The following DYNC1H1 variants were observed in gnomAD, a reference collection of about 807,000 sequenced individuals.
DYNC1H1 encodes cytoplasmic dynein 1 heavy chain 1.
DYNC1H1 carries 51 observed loss-of-function variants against 527.1 expected under a neutral mutation model. That is an observed-to-expected ratio of 0.10 (90% CI 0.08 to 0.12). The LOEUF is 0.12. Among genes scored for constraint, DYNC1H1 ranks in the 10% least tolerant of loss-of-function variants. DYNC1H1 has a pLI of 1.00. For missense variants in DYNC1H1, 2,771 were observed against 5,971.8 expected (o/e 0.46, Z 17.66); for synonymous variants, 2,189 against 2,278.8 (o/e 0.96, Z 1.12).
intron 1 of DYNC1H1, among the ~76,000 whole-genome samples, chr14:101,968,845 C>T (rs577677182): frequency 1.5e-4 from 23 of 152,076 alleles, no homozygotes; most frequent in Admixed American, 2.6e-4. Context: ...TACAGGCGTG[C>T]GCCATGACAT....
At chr14:101,999,133 T>C (rs530377925) in intron 16 of DYNC1H1, among the ~76,000 whole-genome samples, 29 of 152,194 alleles carry the variant, frequency 1.9e-4, no homozygotes, top group Non-Finnish European at 3.8e-4. Context: ...CTGCCCACCT[T>C]GGCCTCCCAA....
At chr14:102,021,656 C>CTTTTTTTTTTTTTTTTT (rs757880988) in intron 42 of DYNC1H1, among the ~76,000 whole-genome samples, 2 of 119,840 alleles carry the variant, frequency 1.7e-5, no homozygotes, top group Admixed American at 9.0e-5. Flanking sequence ...TTTTCTTTTT[C>CTTTTTTTTTTTTTTTTT]TTTTTTTTTT....
At chr14:101,998,643 C>A (rs1423551629) in intron 16 of DYNC1H1, among the ~76,000 whole-genome samples, 1 of 152,110 alleles carries the variant, frequency 6.6e-6, no homozygotes, top group Non-Finnish European at 1.5e-5. Flanking sequence ...GGTTAATTGT[C>A]CCATCCTGCC....
intron 72 of DYNC1H1, chr14:102,047,598 T>TATAC (rs2048737456): frequency 5.3e-6 from 2 of 374,874 alleles, no homozygotes; most frequent in African/African-American, 4.7e-5. Context: ...TATATATATA[T>TATAC]ACACATATAT....
intron 56 of DYNC1H1, chr14:102,035,856 G>A (rs1182215092): frequency 6.5e-6 from 1 of 153,020 alleles, no homozygotes; most frequent in Non-Finnish European, 1.5e-5. Context: ...AGAAAGGCAG[G>A]GCAGCATGGT....
chr14:102,007,176 T>C (rs1182516801), intron 28 of DYNC1H1, 68 bp downstream of exon 28: 8 of 1,519,732 alleles, frequency 5.3e-6, no homozygotes. Context: ...AATATCAAGC[T>C]CCGTACCTCT....
chr14:102,046,475 G>A (rs2048720786), intron 72 of DYNC1H1, among the ~76,000 whole-genome samples: 1 of 148,886 alleles, frequency 6.7e-6, no homozygotes, highest in African/African-American at 2.5e-5. Context: ...AGCTGGGCGG[G>A]TCTGGAGGGA....
chr14:101,986,109 A>G lies in DYNC1H1; in HGVS notation c.1884A>G (p.Pro628=), dbSNP rs545738580. The change falls in exon 8 of 78, where the codon CCA becomes CCG. Residue 628 remains proline, a synonymous_variant. Coordinates refer to ENST00000360184, the MANE Select transcript of DYNC1H1 (RefSeq NM_001376.5). This position sits in a 1 kb window ranked among gnomAD's most constrained non-coding sequence, Gnocchi z 8.7. ...SLHDKFKVQY[P]QSQACKMSHV... Reference sequence around the variant, plus strand: ...ACGACAAGTTCAAGGTCCAGTACCCACAGAGTCAGGCTTGTAAGATGAGTC... The same window carrying G: ...ACGACAAGTTCAAGGTCCAGTACCCGCAGAGTCAGGCTTGTAAGATGAGTC... 1 of 1,614,224 alleles carries G rather than the reference A, an allele frequency of 6.2e-7. No homozygotes were observed. The highest frequency in any genetic ancestry group is 1.7e-5 in the Admixed American group (1 of 60,030).
intron 72 of DYNC1H1, among the ~76,000 whole-genome samples, chr14:102,045,870 G>C (rs2048710680): frequency 6.6e-6 from 1 of 151,808 alleles, no homozygotes; most frequent in South Asian, 2.1e-4. Context: ...GAACTTCTTA[G>C]AAATGCAGGT....
rs755126314 is a variant in DYNC1H1 at position 102,033,404 on chromosome 14, G to A, written c.10333G>A (p.Ala3445Thr). The A allele has an allele frequency of 6.2e-6, 10 of 1,614,180 alleles. No homozygotes were observed. The highest frequency in any genetic ancestry group is 4.5e-5 in the East Asian group (2 of 44,882). ...QMIRDLEASI[A>T]RYKEEYAVLI... is the part of the protein sequence containing the mutation. ...GATCCGAGACCTGGAAGCCAGCATC[G>A]CCCGCTACAAGGAGGAATACGCCGT... The change falls in exon 54 of 78, where the codon GCC (alanine) becomes ACC (threonine). Residue 3445 changes from alanine to threonine, a missense_variant. By Grantham distance (58) the Ala-to-Thr change is moderately conservative. Transcript: ENST00000360184. The surrounding 1 kb of genome is among the most constrained non-coding windows in gnomAD (Gnocchi z 5.6).
intron 42 of DYNC1H1, among the ~76,000 whole-genome samples, chr14:102,022,254 T>C (rs966439198): frequency 6.6e-6 from 1 of 151,650 alleles, no homozygotes; most frequent in Non-Finnish European, 1.5e-5. Flanking sequence ...CCCAGCACTT[T>C]GGGAGGCCGA....
Position 101,979,200 on chromosome 14 carries a change from A to C in DYNC1H1, c.345-119A>C. On this transcript the variant is annotated intron_variant, in intron 2 of 77. Transcript: ENST00000360184. This position sits in a 1 kb window ranked among gnomAD's most constrained non-coding sequence, Gnocchi z 4.6. Reference sequence around the variant, plus strand: ...AGCTCTCATGTACTAAAGAAAGACAAGCAGTGCATTTCACTATTAGAAAAG... The same window carrying C: ...AGCTCTCATGTACTAAAGAAAGACACGCAGTGCATTTCACTATTAGAAAAG... 1.0e-6 allele frequency: 1 copy of C among 966,050 alleles called. No individual in the cohort carries two copies. The allele number at this position is 966,050 out of a possible 1,614,324, so 59.8% of individuals were successfully genotyped here.
At chr14:102,046,486 A>G (rs927173966) in intron 72 of DYNC1H1, among the ~76,000 whole-genome samples, 1 of 150,250 alleles carries the variant, frequency 6.7e-6, no homozygotes, top group Non-Finnish European at 1.5e-5. Flanking sequence ...TCTGGAGGGA[A>G]AGCCAGGCGA....
rs2048539850 is a variant in DYNC1H1, at chr14:102,033,893, A to G, written c.10414-83A>G. 6.7e-7 allele frequency: 1 copy of G among 1,491,764 alleles called. No individual in the cohort carries two copies. Among genetic ancestry groups the G allele is most frequent in the South Asian group, 1.1e-5 (1 of 87,070 alleles). 92.4% of individuals were successfully genotyped at this position (1,491,764 alleles called of 1,614,324 possible). ...CTAACCCACCCAAAACCCTGCACAT[A>G]ATGTGGATGAACCGATTTGCAGGAT... On this transcript the variant is annotated intron_variant, in intron 54 of 77. Coordinates refer to ENST00000360184, the MANE Select transcript of DYNC1H1 (RefSeq NM_001376.5). The surrounding 1 kb of genome is among the most constrained non-coding windows in gnomAD (Gnocchi z 5.6).
intron 12 of DYNC1H1, 28 bp from the exon 13 acceptor site, chr14:101,994,645 A>T (rs200089400): frequency 6.2e-7 from 1 of 1,613,318 alleles, no homozygotes; most frequent in East Asian, 2.2e-5. Flanking sequence ...AACTCAAACT[A>T]TTATTTAACT....
chr14:102,004,051 C>A (rs531471728), intron 23 of DYNC1H1, among the ~76,000 whole-genome samples: 3 of 151,752 alleles, frequency 2.0e-5, no homozygotes, highest in Non-Finnish European at 4.4e-5. Context: ...ACCATCCTGG[C>A]TAACATGGTG....
chr14:102,005,885 C>A lies in DYNC1H1; in HGVS notation c.5434-3C>A. 6.2e-7 allele frequency: 1 copy of A among 1,614,034 alleles called. No homozygotes were observed. The highest frequency in any genetic ancestry group is 8.5e-7 in the Non-Finnish European group (1 of 1,180,002). On this transcript the variant is annotated splice_polypyrimidine_tract_variant and splice_region_variant and intron_variant, in intron 26 of 77. Coordinates refer to ENST00000360184, the MANE Select transcript of DYNC1H1 (RefSeq NM_001376.5). This position sits in a 1 kb window ranked among gnomAD's most constrained non-coding sequence, Gnocchi z 4.0. Reference sequence around the variant, plus strand: ...AACTTTTAAAGTGACTCTCTTTCTTCAGATTACAGAGTTGGTTCACCAGAG... The same window carrying A: ...AACTTTTAAAGTGACTCTCTTTCTTAAGATTACAGAGTTGGTTCACCAGAG...
In DYNC1H1 at chr14:102,050,558, G is replaced by C; in HGVS notation, c.13936G>C (p.Glu4646Gln). The part of the protein sequence containing the change: ...YERGVAVLCT[E>Q] The stretch of plus-strand genomic sequence containing the variant: ...GCGGGGTGTCGCAGTCTTGTGCACA[G>C]AGTAAACTTTTCTAGCTGCCCCTTT... The change falls in exon 78 of 78, where the codon GAG becomes CAG. Residue 4646 changes from glutamate to glutamine, a missense_variant. This residue lies in a region of DYNC1H1 where 106 missense variants were observed against 139.2 expected (regional missense o/e 0.76). Transcript: ENST00000360184. 2 of 1,614,228 alleles carry C rather than the reference G, an allele frequency of 1.2e-6. No homozygotes were observed.
At position 102,001,771 on chromosome 14, in the gene DYNC1H1, G is replaced by GT; in HGVS notation, c.4542+96dup. On this transcript the variant is annotated intron_variant, in intron 21 of 77. Coordinates refer to ENST00000360184, the MANE Select transcript of DYNC1H1 (RefSeq NM_001376.5). This position sits in a 1 kb window ranked among gnomAD's most constrained non-coding sequence, Gnocchi z 5.0. The stretch of plus-strand genomic sequence containing the variant: ...TTTCACTGACAGTTACTAGGTACCT[G>GT]TTTTTTATTGTATTTTTTGAGACAG... The GT allele has an allele frequency of 6.4e-7, 1 of 1,564,108 alleles. No individual in the cohort carries two copies.
Sources: gnomAD v4.1 joint callset for allele counts (sites outside exome capture counted in the v4.1 genomes callset) on GRCh38, gnomAD v4.1.1 for gene constraint, gnomAD v4.1.1 regional missense constraint, Gnocchi (gnomAD v3.1) non-coding constraint, MANE v1.5 for transcripts, NCBI Gene and HGNC (gene_info 2026-07-23, HGNC 2026-07-21) for gene names.